Variants in CARMIL2 observed in about 807,000 individuals in gnomAD.
The protein encoded by CARMIL2 is capping protein, Arp2/3 and myosin-I linker protein 2.
CARMIL2 carries 96 observed loss-of-function variants against 173.3 expected under a neutral mutation model. The ratio of observed to expected loss-of-function variants is 0.55; its 90% CI spans 0.47 to 0.66. CARMIL2 has a LOEUF of 0.66. Ranked by LOEUF, CARMIL2 falls within the 30% of genes least tolerant of loss-of-function variation. The probability of loss-of-function intolerance (pLI) is 0.00; values close to 1 mark genes in which losing one functional copy is unlikely to be tolerated. For synonymous variants in CARMIL2, 830 were observed against 817.1 expected, an observed-to-expected ratio of 1.02 and a Z score of -0.27; for missense variants, 1,771 against 1,906.7, an observed-to-expected ratio of 0.93 and a Z score of 1.33.
chr16:67,651,590 T>C lies in CARMIL2; in HGVS notation c.2427+76T>C. On this transcript the variant is annotated intron_variant, in intron 24 of 37. Transcript: ENST00000334583. This position sits in a 1 kb window ranked among gnomAD's most constrained non-coding sequence, Gnocchi z 4.2. ...CCATCCTTTAGTTTTAACTGTGATA[T>C]CCCCTGACTCAATATTCTGTTGGAG... is the stretch of plus-strand genomic sequence containing the variant. 1.9e-6 allele frequency: 3 copies of C among 1,565,132 alleles called. No individual in the cohort carries two copies. The highest frequency in any genetic ancestry group is 1.2e-5 in the South Asian group (1 of 85,624).
rs1354847645 is a variant in CARMIL2, at chr16:67,646,843, G to C, written c.538-57G>C. ...ACATCTGGTCCCCCATGTGTGCTGA[G>C]CCCCTCCCTGCCCCTTGTGGCCCCA... On this transcript the variant is annotated intron_variant, in intron 7 of 37. Transcript: ENST00000334583. The surrounding 1 kb of genome is among the most constrained non-coding windows in gnomAD (Gnocchi z 4.6). 1.9e-6 allele frequency: 3 copies of C among 1,612,298 alleles called. No homozygotes were observed. The African/African-American group carries it at 4.0e-5, about 21-fold the overall frequency.
chr16:67,649,091 T>C lies in CARMIL2; in HGVS notation c.1607T>C (p.Met536Thr). The change falls in exon 18 of 38, where the codon ATG becomes ACG. Residue 536 changes from methionine to threonine, a missense_variant. Physicochemically the swap from Met to Thr is moderately conservative, Grantham distance 81. Coordinates refer to ENST00000334583, the MANE Select transcript of CARMIL2 (RefSeq NM_001013838.3). This position sits in a 1 kb window ranked among gnomAD's most constrained non-coding sequence, Gnocchi z 6.7. Reference protein sequence around the residue: ...DLADNGFGSDMVTLVLAIGRS... With the variant: ...DLADNGFGSDTVTLVLAIGRS... ...TCACCCCCAGGCTTCGGCTCAGACA[T>C]GGTGACTCTGGTGCTGGCCATCGGG... The C allele has an allele frequency of 6.2e-7, 1 of 1,612,968 alleles. No individual in the cohort carries two copies. The highest frequency in any genetic ancestry group is 1.3e-5 in the African/African-American group (1 of 75,008).
At position 67,649,926 on chromosome 16, in the gene CARMIL2, G is replaced by C. The variant is rs555763719; in HGVS notation, c.2040G>C (p.Ala680=). 1 of 1,613,192 alleles carries C rather than the reference G, an allele frequency of 6.2e-7. No homozygotes were observed. The highest frequency in any genetic ancestry group is 2.2e-5 in the East Asian group (1 of 44,886). The change falls in exon 21 of 38, where the codon GCG becomes GCC. Residue 680 remains alanine (A), a synonymous_variant. Coordinates refer to ENST00000334583, the MANE Select transcript of CARMIL2 (RefSeq NM_001013838.3). This position sits in a 1 kb window ranked among gnomAD's most constrained non-coding sequence, Gnocchi z 6.7. ...MPLPLNDVAQ[A]QRSRPELTAR... is the part of the protein sequence containing the mutation. ...TGCCACTGAACGACGTGGCCCAGGC[G>C]CAGCGCAGCCGCCCGGAACTGACAG...
In CARMIL2 at chr16:67,645,614, G is replaced by A. The variant is rs370315873; in HGVS notation, c.115G>A (p.Val39Met). The part of the protein sequence containing the change: ...LKTWLPGEGA[V>M]QNHVLALLRW... ...AACCTGGCTACCCGGGGAGGGTGCTGTGCAAAACCATGTCCTGGTATGGGG... is the reference window on the plus strand; with the variant it reads ...AACCTGGCTACCCGGGGAGGGTGCTATGCAAAACCATGTCCTGGTATGGGG... The change falls in exon 2 of 38, where the codon GTG becomes ATG. Residue 39 changes from valine (V) to methionine (M), a missense_variant. Val to Met is a conservative substitution (Grantham distance 21, BLOSUM62 1). This residue lies in a region of CARMIL2 where 944 missense variants were observed against 975.6 expected (regional missense o/e 0.97). Transcript: ENST00000334583. 8.7e-6 allele frequency: 14 copies of A among 1,613,506 alleles called. No individual in the cohort carries two copies. The African/African-American group carries it at 1.9e-4, about 22-fold the overall frequency.
Position 67,654,790 on chromosome 16 carries a change from G to T in CARMIL2, c.3595G>T (p.Glu1199Ter). The change falls in exon 32 of 38, where the codon GAG becomes TAG. Residue 1199 changes from glutamate (E) to a stop codon, truncating the protein, a stop_gained. Transcript: ENST00000334583. LOFTEE classifies it high-confidence loss of function. The part of the protein sequence containing the change: ...GARPDKRRPL[E>*]RGETELAPSF... ...TCTCTGTCCCTAGCGGCGGCCCCTG[G>T]AGCGGGGAGAAACAGAACTGGCTCC... The T allele has an allele frequency of 6.2e-7, 1 of 1,613,360 alleles. No homozygotes were observed. The highest frequency in any genetic ancestry group is 1.1e-5 in the South Asian group (1 of 91,072).
intron 30 of CARMIL2, 23 bp downstream of exon 30, chr16:67,654,272 G>T: frequency 6.4e-7 from 1 of 1,571,314 alleles, no homozygotes; most frequent in East Asian, 2.3e-5. Flanking sequence ...CATCTGCTGG[G>T]GGTGGGAGAG....
intron 29 of CARMIL2, 37 bp from the exon 30 acceptor site, chr16:67,654,112 A>T: frequency 9.3e-7 from 1 of 1,072,968 alleles, no homozygotes; most frequent in Non-Finnish European, 1.3e-6. Flanking sequence ...CCAGAGTTGC[A>T]CTCAACCCTG....
chr16:67,648,514 AC>A lies in CARMIL2; in HGVS notation c.1439+16del. On this transcript the variant is annotated intron_variant, in intron 15 of 37. Transcript: ENST00000334583. This position sits in a 1 kb window ranked among gnomAD's most constrained non-coding sequence, Gnocchi z 6.1. ...CCCGACGCGCTCAGGTCAGTGTCGG[AC>A]CCCGGCCACGCCCCCGCGGGCGCTC... 1 of 1,463,096 alleles carries A rather than the reference AC, an allele frequency of 6.8e-7. No homozygotes were observed. The highest frequency in any genetic ancestry group is 9.0e-7 in the Non-Finnish European group (1 of 1,105,606). 90.6% of individuals were successfully genotyped at this position (1,463,096 alleles called of 1,614,324 possible).
Position 67,647,564 on chromosome 16 carries a change from G to T in CARMIL2, c.833G>T (p.Arg278Leu). ...GCGGGACACTCAAGCTCTGGGCTGC[G>T]GGAGCTCAGCCTCGCGGGGAACCTG... is the stretch of plus-strand genomic sequence containing the variant. The part of the protein sequence containing the change: ...ALAGHSSSGL[R>L]ELSLAGNLLD... The change falls in exon 11 of 38, where the codon CGG (arginine) becomes CTG (leucine). Residue 278 changes from arginine (R) to leucine (L), a missense_variant. Arg to Leu is a moderately radical substitution (Grantham distance 102, BLOSUM62 -2). Around this residue, in one of 3 missense-constraint regions of CARMIL2, gnomAD observed 944 missense variants for 975.6 expected, o/e 0.97. Coordinates refer to ENST00000334583, the MANE Select transcript of CARMIL2 (RefSeq NM_001013838.3). 1.2e-6 allele frequency: 2 copies of T among 1,611,160 alleles called. No homozygotes were observed. The highest frequency in any genetic ancestry group is 2.2e-5 in the South Asian group (2 of 90,538).
chr16:67,657,436 C>A lies in CARMIL2; in HGVS notation c.4226C>A (p.Pro1409Gln), dbSNP rs779617633. Residue 1409 changes from proline (P) to glutamine (Q), a missense_variant, in exon 38 of 38, where the codon CCA (proline) becomes CAA (glutamine). Physicochemically the swap from Pro to Gln is moderately conservative, Grantham distance 76. This residue lies in a region of CARMIL2 where 817 missense variants were observed against 903.5 expected (regional missense o/e 0.90). Transcript: ENST00000334583. This position sits in a 1 kb window ranked among gnomAD's most constrained non-coding sequence, Gnocchi z 4.5. ...GGCCTTGGAACCGAGCCTCTGCCCCCACAGCCCACAGAGCCCTCCAGCCCT... is the reference window on the plus strand; with the variant it reads ...GGCCTTGGAACCGAGCCTCTGCCCCAACAGCCCACAGAGCCCTCCAGCCCT... Reference protein sequence around the residue: ...GSGLGTEPLPPQPTEPSSPER... With the variant: ...GSGLGTEPLPQQPTEPSSPER... 3.7e-6 allele frequency: 6 copies of A among 1,609,700 alleles called. No homozygotes were observed. The highest frequency in any genetic ancestry group is 3.3e-5 in the South Asian group (3 of 90,634).
intron 8 of CARMIL2, 42 bp downstream of exon 8, chr16:67,647,015 GC>G (rs2052606771): frequency 3.1e-6 from 5 of 1,608,214 alleles, no homozygotes; most frequent in Non-Finnish European, 4.2e-6. Context: ...AGATCCCGGG[GC>G]CCATATCCCT....
chr16:67,647,494 G>A lies in CARMIL2; in HGVS notation c.777-14G>A. The stretch of plus-strand genomic sequence containing the variant: ...ACCAGGGGCAGAATCTCATGCCTGG[G>A]GTCTGGTCCCCAGAGACTTTGTCCG... On this transcript the variant is annotated splice_polypyrimidine_tract_variant and intron_variant, in intron 10 of 37. Transcript: ENST00000334583. 1 of 1,591,734 alleles carries A rather than the reference G, an allele frequency of 6.3e-7. No individual in the cohort carries two copies. Among genetic ancestry groups the A allele is most frequent in the Non-Finnish European group, 8.6e-7 (1 of 1,169,444 alleles).
Position 67,646,113 on chromosome 16 carries a change from G to A in CARMIL2, c.249+33G>A. On this transcript the variant is annotated intron_variant, in intron 4 of 37. Transcript: ENST00000334583. This position sits in a 1 kb window ranked among gnomAD's most constrained non-coding sequence, Gnocchi z 4.6. Reference sequence around the variant, plus strand: ...ACCTAGTACCCTACCTGGGCCTGCAGCCTGGTCTTCATGCTACCACCATCA... The same window carrying A: ...ACCTAGTACCCTACCTGGGCCTGCAACCTGGTCTTCATGCTACCACCATCA... 1 of 1,613,756 alleles carries A rather than the reference G, an allele frequency of 6.2e-7. No homozygotes were observed. The highest frequency in any genetic ancestry group is 8.5e-7 in the Non-Finnish European group (1 of 1,179,860).
In CARMIL2 at chr16:67,652,475, G is replaced by GCCC; in HGVS notation, c.2821_2822insCCC (p.Asp941delinsAlaHis). 1.2e-6 allele frequency: 2 copies of GCCC among 1,613,580 alleles called. No homozygotes were observed. Among genetic ancestry groups the GCCC allele is most frequent in the Non-Finnish European group, 1.7e-6 (2 of 1,179,778 alleles). On this transcript the variant is annotated protein_altering_variant, in exon 28 of 38. Transcript: ENST00000334583. The surrounding 1 kb of genome is among the most constrained non-coding windows in gnomAD (Gnocchi z 4.7). ...GAGTTTGTGCCCTCCCCACCAGGATGACAGTCCTCCACAGAAATGGCCTGA... is the reference window on the plus strand; with the variant it reads ...GAGTTTGTGCCCTCCCCACCAGGATGCCCACAGTCCTCCACAGAAATGGCCTGA...
Position 67,657,481 on chromosome 16 carries a change from C to T in CARMIL2, c.4271C>T (p.Pro1424Leu). 6.2e-7 allele frequency: 1 copy of T among 1,612,592 alleles called. No individual in the cohort carries two copies. The highest frequency in any genetic ancestry group is 8.5e-7 in the Non-Finnish European group (1 of 1,179,302). The change falls in exon 38 of 38, where the codon CCA becomes CTA. Residue 1424 changes from proline (P) to leucine (L), a missense_variant. Pro to Leu is a moderately conservative substitution (Grantham distance 98). Transcript: ENST00000334583. This position sits in a 1 kb window ranked among gnomAD's most constrained non-coding sequence, Gnocchi z 4.5. ...AGCCCTGAGCGGAGCCCACCCTCCC[C>T]AGCCACAGACCAAAGAGGCGGCGGC... is the stretch of plus-strand genomic sequence containing the variant. ...PSSPERSPPS[P>L]ATDQRGGGPN...
At position 67,648,483 on chromosome 16, in the gene CARMIL2, C is replaced by A. The variant is rs1354166213; in HGVS notation, c.1420C>A (p.Leu474Met). The change falls in exon 15 of 38, where the codon CTG (leucine) becomes ATG (methionine). Residue 474 changes from leucine (L) to methionine (M), a missense_variant. By Grantham distance (15) the Leu-to-Met change is conservative. This residue lies in a region of CARMIL2 where 944 missense variants were observed against 975.6 expected (regional missense o/e 0.97). Transcript: ENST00000334583. This position sits in a 1 kb window ranked among gnomAD's most constrained non-coding sequence, Gnocchi z 6.1. ...LRHLGLAGCK[L>M]PPDALRALLD... ...GCACCTGGGCCTGGCGGGCTGCAAG[C>A]TGCCGCCCGACGCGCTCAGGTCAGT... The A allele has an allele frequency of 7.0e-7, 1 of 1,436,350 alleles. No individual in the cohort carries two copies. The highest frequency in any genetic ancestry group is 2.6e-5 in the East Asian group (1 of 37,982). The allele number at this position is 1,436,350 out of a possible 1,614,324, so 89.0% of individuals were successfully genotyped here. A position where few individuals can be genotyped will look rare whatever the true frequency, so the allele number is the denominator to read the frequency against.
chr16:67,656,803 G>A lies in CARMIL2; in HGVS notation c.4039G>A (p.Gly1347Ser), dbSNP rs1204017213. The A allele has an allele frequency of 6.4e-7, 1 of 1,551,242 alleles. No individual in the cohort carries two copies. ...DPCLGPRNED[G>S]QLRPRPLSAG... The stretch of plus-strand genomic sequence containing the variant: ...CCTGATTCCCTGGCCTCCCTCAGAT[G>A]GCCAGCTGAGGCCGAGGCCTCTCTC... The change falls in exon 36 of 38, where the codon GGC (glycine) becomes AGC (serine). Residue 1347 changes from glycine to serine, a missense_variant and splice_region_variant. Gly to Ser is a moderately conservative substitution (Grantham distance 56, BLOSUM62 0). Transcript: ENST00000334583.
chr16:67,646,647 G>T lies in CARMIL2; in HGVS notation c.467-67G>T. On this transcript the variant is annotated intron_variant, in intron 6 of 37. Coordinates refer to ENST00000334583, the MANE Select transcript of CARMIL2 (RefSeq NM_001013838.3). The surrounding 1 kb of genome is among the most constrained non-coding windows in gnomAD (Gnocchi z 4.6). ...CAGCCACCACCTAGTCTGTGGGTCTGGTCTTCCTCCATCGCTGATGTTTTG... is the reference window on the plus strand; with the variant it reads ...CAGCCACCACCTAGTCTGTGGGTCTTGTCTTCCTCCATCGCTGATGTTTTG... 1 of 1,585,550 alleles carries T rather than the reference G, an allele frequency of 6.3e-7. No individual in the cohort carries two copies. The highest frequency in any genetic ancestry group is 8.7e-7 in the Non-Finnish European group (1 of 1,154,472).
chr16:67,654,933 G>A (rs779705210), intron 32 of CARMIL2, 33 bp downstream of exon 32: 5 of 1,610,432 alleles, frequency 3.1e-6, no homozygotes, highest in Middle Eastern at 1.7e-4. Context: ...TGAAGTGAGA[G>A]GGCAGATGGC....
Sources: allele counts gnomAD v4.1 joint callset, GRCh38; gene constraint gnomAD v4.1.1; regional missense constraint gnomAD v4.1.1; non-coding constraint Gnocchi (gnomAD v3.1); transcripts MANE v1.5; gene names NCBI Gene and HGNC (gene_info 2026-07-23, HGNC 2026-07-21).